The following ADAM19 variants were observed in gnomAD, a reference collection of about 807,000 sequenced individuals.
ADAM19 encodes ADAM metallopeptidase domain 19.
ADAM19 carries 65 observed loss-of-function variants against 114.7 expected under a neutral mutation model. That is an observed-to-expected ratio of 0.57 (90% CI 0.46 to 0.70). The LOEUF (loss-of-function observed/expected upper bound fraction) is 0.70. Ranked by LOEUF, ADAM19 falls within the 30% of genes least tolerant of loss-of-function variation. The probability of loss-of-function intolerance (pLI) is 0.00; values close to 1 mark genes in which losing one functional copy is unlikely to be tolerated. For synonymous variants in ADAM19, 466 were observed against 460.5 expected (o/e 1.01, Z -0.15); for missense variants, 1,063 against 1,204.7 (o/e 0.88, Z 1.74).
intron 15 of ADAM19, among the ~76,000 whole-genome samples, chr5:157,493,565 A>G (rs751231366): frequency 6.6e-6 from 1 of 152,060 alleles, no homozygotes; most frequent in Non-Finnish European, 1.5e-5. Context: ...AGCCATTTTC[A>G]AACCCTATCA....
intron 6 of ADAM19, 141 bp from the exon 7 acceptor site, chr5:157,519,029 G>A (rs1433835251): frequency 8.5e-6 from 6 of 705,338 alleles, no homozygotes; most frequent in African/African-American, 1.8e-5. Context: ...GATGTTCTTG[G>A]CTGTGGTGGC....
chr5:157,565,116 A>G (rs924233218), intron 2 of ADAM19, among the ~76,000 whole-genome samples: 1 of 152,232 alleles, frequency 6.6e-6, no homozygotes, highest in Admixed American at 6.5e-5. Flanking sequence ...CATTTTACAC[A>G]TAAGCAGTTT....
At chr5:157,515,456 G>A (rs888985910) in intron 7 of ADAM19, among the ~76,000 whole-genome samples, 1 of 152,202 alleles carries the variant, frequency 6.6e-6, no homozygotes, top group African/African-American at 2.4e-5. Context: ...GCAAAGGCCG[G>A]ATTAGGCTTT....
chr5:157,544,139 C>T (rs1425688712), intron 3 of ADAM19, among the ~76,000 whole-genome samples: 5 of 152,270 alleles, frequency 3.3e-5, no homozygotes, highest in Admixed American at 2.6e-4. Context: ...GAAGGGGGAA[C>T]TTTGGAGGTT....
chr5:157,550,625 T>C (rs367975266), intron 3 of ADAM19, among the ~76,000 whole-genome samples: 8 of 151,754 alleles, frequency 5.3e-5, no homozygotes, highest in African/African-American at 1.9e-4. Context: ...ACAGATGAAA[T>C]TGTATACTTT....
chr5:157,495,849 G>A (rs958280947), intron 14 of ADAM19, among the ~76,000 whole-genome samples: 4 of 151,272 alleles, frequency 2.6e-5, no homozygotes, highest in African/African-American at 9.7e-5. Context: ...GGCCAGGCTG[G>A]TCTTGAACTC....
rs1561841052 is a variant in ADAM19, at chr5:157,488,340, T to C, written c.2475A>G (p.Ile825Met). Residue 825 changes from isoleucine (I) to methionine (M), a missense_variant, in exon 21 of 23, where the codon ATA (isoleucine) becomes ATG (methionine). This residue lies in a region of ADAM19 where 424 missense variants were observed against 445.5 expected (regional missense o/e 0.95). Transcript: ENST00000257527. ...GCCTCCTGGACGACTCCGTCCTCTC[T>C]ATTTGAGACCCGGGCCCTGGGGAGT... ...ARNSPGPGSQ[I>M]ERTESSRRPP... is the part of the protein sequence containing the mutation. 6.2e-7 allele frequency: 1 copy of C among 1,614,018 alleles called. No homozygotes were observed. The highest frequency in any genetic ancestry group is 8.5e-7 in the Non-Finnish European group (1 of 1,180,006).
At chr5:157,563,734 G>A (rs181212277) in intron 3 of ADAM19, among the ~76,000 whole-genome samples, 17 of 152,274 alleles carry the variant, frequency 1.1e-4, no homozygotes, top group African/African-American at 2.9e-4. Flanking sequence ...GCCATGCATC[G>A]TGCCCATTCA....
intron 4 of ADAM19, among the ~76,000 whole-genome samples, chr5:157,536,488 T>C (rs1454737420): frequency 6.6e-6 from 1 of 152,098 alleles, no homozygotes; most frequent in South Asian, 2.1e-4. Flanking sequence ...ATTAGCCAAG[T>C]GTGGTGATGC....
intron 18 of ADAM19, among the ~76,000 whole-genome samples, chr5:157,490,823 C>T (rs367808530): frequency 6.8e-6 from 1 of 146,016 alleles, no homozygotes; most frequent in Non-Finnish European, 1.5e-5. Flanking sequence ...ACCCGGGAGG[C>T]GGAGGTTGCA....
At position 157,564,427 on chromosome 5, in the gene ADAM19, T is replaced by C. The variant is rs1397756562; in HGVS notation, c.197A>G (p.Glu66Gly). 3 of 1,614,210 alleles carry C rather than the reference T, an allele frequency of 1.9e-6. No individual in the cohort carries two copies. Among genetic ancestry groups the C allele is most frequent in the Admixed American group, 3.3e-5 (2 of 60,020 alleles). Residue 66 changes from glutamate to glycine, a missense_variant, in exon 3 of 23, where the codon GAG becomes GGG. This residue lies in a region of ADAM19 where 615 missense variants were observed against 706.3 expected (regional missense o/e 0.87). Coordinates refer to ENST00000257527, the MANE Select transcript of ADAM19 (RefSeq NM_033274.5). ...TCGCCCCTCAGCCATTACCCTGAGC[T>C]CAGCTTTGAGTGGATGCTAAAAGCA... The part of the protein sequence containing the change: ...PVREKHPLKA[E>G]LRVMAEGREL...
At position 157,478,837 on chromosome 5, in the gene ADAM19, T is replaced by G; in HGVS notation, c.*2112A>C. ...TGGTGTGGTTCCAGGGAGGGTGGAC[T>G]GCAGGTTCAGATGGCTCATGCAGTC... On this transcript the variant is annotated 3_prime_UTR_variant, in exon 23 of 23. Transcript: ENST00000257527. 1 of 985,850 alleles carries G rather than the reference T, an allele frequency of 1.0e-6. No homozygotes were observed. Among genetic ancestry groups the G allele is most frequent in the African/African-American group, 1.7e-5 (1 of 57,350 alleles). The allele number at this position is 985,850 out of a possible 1,614,324, so 61.1% of individuals were successfully genotyped here. A position where few individuals can be genotyped will look rare whatever the true frequency, so the allele number is the denominator to read the frequency against.
chr5:157,531,470 C>T (rs929877638), intron 4 of ADAM19, among the ~76,000 whole-genome samples: 9 of 151,998 alleles, frequency 5.9e-5, no homozygotes, highest in South Asian at 2.1e-4. Context: ...AGTTCCAGAC[C>T]GCCCTGGCCA....
intron 3 of ADAM19, among the ~76,000 whole-genome samples, chr5:157,542,214 C>T (rs1202645474): frequency 6.6e-6 from 1 of 152,036 alleles, no homozygotes; most frequent in Non-Finnish European, 1.5e-5. Flanking sequence ...ATACACAATC[C>T]CCTCCCTTTT....
At chr5:157,517,141 A>G (rs548519351) in intron 7 of ADAM19, among the ~76,000 whole-genome samples, 1 of 152,304 alleles carries the variant, frequency 6.6e-6, no homozygotes, top group African/African-American at 2.4e-5. Context: ...GCTAACATCC[A>G]GTGACTAACA....
intron 5 of ADAM19, among the ~76,000 whole-genome samples, chr5:157,524,298 C>G (rs1392366836): frequency 6.6e-6 from 1 of 152,260 alleles, no homozygotes; most frequent in Non-Finnish European, 1.5e-5. Flanking sequence ...GCCCAGGAGG[C>G]TGGGTGGCCA....
In ADAM19 at chr5:157,520,030, C is replaced by G; in HGVS notation, c.409G>C (p.Gly137Arg). 1 of 1,610,914 alleles carries G rather than the reference C, an allele frequency of 6.2e-7. No individual in the cohort carries two copies. The highest frequency in any genetic ancestry group is 8.5e-7 in the Non-Finnish European group (1 of 1,178,074). The change falls in exon 6 of 23, where the codon GGA becomes CGA. Residue 137 changes from glycine (G) to arginine (R), a missense_variant and splice_region_variant. Gly to Arg is a moderately radical substitution (Grantham distance 125). Around this residue, in one of 3 missense-constraint regions of ADAM19, gnomAD observed 615 missense variants for 706.3 expected, o/e 0.87. Coordinates refer to ENST00000257527, the MANE Select transcript of ADAM19 (RefSeq NM_033274.5). Reference protein sequence around the residue: ...VTLSTCRGIRGLITVSSNLSY... With the variant: ...VTLSTCRGIRRLITVSSNLSY... ...AGGTTGCTGCTCACCGTAATCAGTC[C>G]TCTGTTGAGAGGAGAAATAGAATCT...
At chr5:157,562,516 A>T (rs1037721427) in intron 3 of ADAM19, among the ~76,000 whole-genome samples, 3 of 152,104 alleles carry the variant, frequency 2.0e-5, no homozygotes, top group Non-Finnish European at 4.4e-5. Flanking sequence ...CCTCACAACC[A>T]TCCCACGAGG....
chr5:157,567,934 T>C (rs574633865), intron 2 of ADAM19: 1 of 151,698 alleles, frequency 6.6e-6, no homozygotes, highest in South Asian at 2.1e-4. Flanking sequence ...CAAAGCACTA[T>C]CTTCCCCTCC....
Sources: gnomAD v4.1 joint callset for allele counts (sites outside exome capture counted in the v4.1 genomes callset) on GRCh38, gnomAD v4.1.1 for gene constraint, gnomAD v4.1.1 regional missense constraint, MANE v1.5 for transcripts, NCBI Gene and HGNC (gene_info 2026-07-23, HGNC 2026-07-21) for gene names.